The following AP2B1 variants were observed in gnomAD, a reference collection of about 807,000 sequenced individuals.
AP2B1 encodes AP-2 complex subunit beta.
AP2B1 carries 23 observed loss-of-function variants against 102.0 expected under a neutral mutation model. That is an observed-to-expected ratio of 0.23 (90% CI 0.16 to 0.32). AP2B1 has a LOEUF of 0.32. Among genes scored for constraint, AP2B1 ranks in the 10% least tolerant of loss-of-function variants. AP2B1 has a pLI of 1.00. For synonymous variants in AP2B1, 381 were observed against 421.2 expected (o/e 0.90, Z 1.17); for missense variants, 541 against 1,157.4 (o/e 0.47, Z 7.73).
At chr17:35,612,815 T>G (rs2073901520) in intron 5 of AP2B1, among the ~76,000 whole-genome samples, 1 of 151,978 alleles carries the variant, frequency 6.6e-6, no homozygotes, top group Non-Finnish European at 1.5e-5. Flanking sequence ...CTCACGCCTG[T>G]CATCCCAGCA....
At chr17:35,616,346 T>C (rs2074019619) in intron 5 of AP2B1, among the ~76,000 whole-genome samples, 1 of 151,812 alleles carries the variant, frequency 6.6e-6, no homozygotes, top group Non-Finnish European at 1.5e-5. Context: ...TTTTGTATTT[T>C]TAGTAGAGAC....
At chr17:35,601,610 A>G (rs994846455) in intron 3 of AP2B1, among the ~76,000 whole-genome samples, 1 of 151,704 alleles carries the variant, frequency 6.6e-6, no homozygotes, top group Non-Finnish European at 1.5e-5. Context: ...TATAAAAACC[A>G]CTTTTAGCTC....
chr17:35,657,809 C>T lies in AP2B1; in HGVS notation c.1989+18C>T, dbSNP rs1328799013. ...ATAGTCTGGTAAGCATCTTTCTTCC[C>T]TTGTTCTTTTGGTTATTTTTAGTTC... On this transcript the variant is annotated intron_variant, in intron 14 of 21. Transcript: ENST00000610402. 2 of 1,597,836 alleles carry T rather than the reference C, an allele frequency of 1.3e-6. No individual in the cohort carries two copies. The highest frequency in any genetic ancestry group is 1.7e-6 in the Non-Finnish European group (2 of 1,172,116).
chr17:35,604,334 C>G (rs1167230543), intron 3 of AP2B1, among the ~76,000 whole-genome samples: 13 of 152,082 alleles, frequency 8.5e-5, no homozygotes, highest in African/African-American at 3.1e-4. Context: ...GTCTCACACT[C>G]CTAGGCTCAA....
intron 18 of AP2B1, among the ~76,000 whole-genome samples, chr17:35,699,235 T>A (rs1050268322): frequency 6.6e-6 from 1 of 152,166 alleles, no homozygotes; most frequent in African/African-American, 2.4e-5. Flanking sequence ...ATTTTAGAGA[T>A]CATCTGGAGG....
chr17:35,681,287 A>G (rs971510251), intron 17 of AP2B1, among the ~76,000 whole-genome samples: 1 of 152,236 alleles, frequency 6.6e-6, no homozygotes, highest in African/African-American at 2.4e-5. Context: ...AGTGAAAAAA[A>G]AAGGAAAGTG....
intron 14 of AP2B1, among the ~76,000 whole-genome samples, chr17:35,669,894 A>T (rs1358396277): frequency 6.6e-6 from 1 of 152,224 alleles, no homozygotes; most frequent in Non-Finnish European, 1.5e-5. Context: ...TAGGGAAGAA[A>T]CAACTGTGGA....
intron 9 of AP2B1, among the ~76,000 whole-genome samples, chr17:35,630,473 A>G (rs980373034): frequency 2.6e-5 from 4 of 152,210 alleles, no homozygotes; most frequent in African/African-American, 7.2e-5. Context: ...TTTTGGTAGC[A>G]TAAGAGTAAG....
intron 9 of AP2B1, among the ~76,000 whole-genome samples, chr17:35,628,699 A>G (rs777300366): frequency 6.6e-6 from 1 of 152,352 alleles, no homozygotes; most frequent in Middle Eastern, 3.4e-3. Context: ...ACTATCTGCT[A>G]TAAGAAGTTT....
intron 17 of AP2B1, among the ~76,000 whole-genome samples, chr17:35,677,072 C>T (rs182640872): frequency 6.6e-6 from 1 of 152,268 alleles, no homozygotes; most frequent in Non-Finnish European, 1.5e-5. Flanking sequence ...CTACTATTGC[C>T]TCAAATTCCT....
intron 5 of AP2B1, among the ~76,000 whole-genome samples, chr17:35,611,585 G>A (rs11656872): frequency 0.073 from 11,132 of 152,180 alleles, 470 homozygotes; most frequent in Middle Eastern, 0.11. Flanking sequence ...TAGTTTGTCC[G>A]ATTTATTCAA....
At chr17:35,631,397 C>G (rs996212872) in intron 9 of AP2B1, among the ~76,000 whole-genome samples, 6 of 152,036 alleles carry the variant, frequency 3.9e-5, no homozygotes, top group Non-Finnish European at 8.8e-5. Context: ...ATGGGGTACC[C>G]CGCTTTCCCC....
chr17:35,652,160 T>C (rs1885702698), intron 13 of AP2B1, among the ~76,000 whole-genome samples: 1 of 152,250 alleles, frequency 6.6e-6, no homozygotes, highest in South Asian at 2.1e-4. Flanking sequence ...TAAGTTCTTA[T>C]CTTCACAATT....
At chr17:35,598,187 CTG>C (rs1290495674) in intron 2 of AP2B1, 41 bp from the exon 3 acceptor site, 1 of 1,253,950 alleles carries the variant, frequency 8.0e-7, no homozygotes, top group African/African-American at 1.5e-5. Flanking sequence ...TGCTCTAAGT[CTG>C]TGGTACTGGA....
At position 35,726,245 on chromosome 17, in the gene AP2B1, T is replaced by C. The variant is rs2085514338; in HGVS notation, c.*2546T>C. 1 of 151,454 alleles carries C rather than the reference T, an allele frequency of 6.6e-6. No individual in the cohort carries two copies. Among genetic ancestry groups the C allele is most frequent in the African/African-American group, 2.4e-5 (1 of 41,144 alleles). The allele number at this position is 151,454 out of a possible 1,614,324, so 9.4% of individuals were successfully genotyped here. On this transcript the variant is annotated 3_prime_UTR_variant, in exon 22 of 22. Coordinates refer to ENST00000610402, the MANE Select transcript of AP2B1 (RefSeq NM_001030006.2). ...CACCCAAGCCTGCTCTGTGTCTGTG[T>C]TGTGAAGCTTGAGACTCTGGAAAGA...
At chr17:35,682,870 A>AATTATTATT in intron 18 of AP2B1, 46 bp downstream of exon 18, 2 of 1,499,142 alleles carry the variant, frequency 1.3e-6, no homozygotes, top group Non-Finnish European at 1.8e-6. Context: ...ATATCTTGAC[A>AATTATTATT]ATTATTATTA....
At chr17:35,662,536 T>TG (rs1410566048) in intron 14 of AP2B1, among the ~76,000 whole-genome samples, 1 of 149,236 alleles carries the variant, frequency 6.7e-6, no homozygotes, top group Non-Finnish European at 1.5e-5. Flanking sequence ...GGGTTTGTTT[T>TG]TTTTTTTTTT....
chr17:35,714,888 T>G (rs2076522267), intron 20 of AP2B1, among the ~76,000 whole-genome samples: 1 of 152,146 alleles, frequency 6.6e-6, no homozygotes, highest in Middle Eastern at 3.2e-3. Flanking sequence ...ATTATCAAAC[T>G]CTCACAACTA....
intron 2 of AP2B1, among the ~76,000 whole-genome samples, chr17:35,595,797 T>A (rs1474445151): frequency 6.6e-6 from 1 of 152,240 alleles, no homozygotes; most frequent in African/African-American, 2.4e-5. Context: ...CCACTTGTCA[T>A]TCAGTCTCAG....
Sources: gnomAD v4.1 joint callset for allele counts (sites outside exome capture counted in the v4.1 genomes callset) on GRCh38, gnomAD v4.1.1 for gene constraint, MANE v1.5 for transcripts, NCBI Gene and HGNC (gene_info 2026-07-23, HGNC 2026-07-21) for gene names.